Variants in UNC45A observed in about 807,000 individuals in gnomAD.
UNC45A encodes protein unc-45 homolog A.
Under a neutral mutation model 103.2 loss-of-function variants are expected in UNC45A, and 78 were observed. The observed-to-expected ratio is 0.76, with a 90% CI of 0.63 to 0.91. The LOEUF (loss-of-function observed/expected upper bound fraction) is 0.91, where lower values mean the gene tolerates loss of function less well. Among genes scored for constraint, UNC45A ranks in the 40% least tolerant of loss-of-function variants. The pLI is 0.00. For missense variants in UNC45A, 1,193 were observed against 1,224.8 expected, an observed-to-expected ratio of 0.97 and a Z score of 0.39; for synonymous variants, 495 against 504.6, an observed-to-expected ratio of 0.98 and a Z score of 0.25.
intron 7 of UNC45A, 45 bp from the exon 8 acceptor site, chr15:90,942,867 G>T: frequency 6.4e-7 from 1 of 1,563,050 alleles, no homozygotes; most frequent in Non-Finnish European, 8.7e-7. Flanking sequence ...GTCAAACTGG[G>T]CTGGGCTGCT....
upstream of UNC45A, chr15:90,931,901 AGGGTGGTGTC>A: frequency 1.2e-6 from 2 of 1,614,026 alleles, no homozygotes; most frequent in Non-Finnish European, 1.7e-6. Context: ...CACCTCATCC[AGGGTGGTGTC>A]TGTGTCCTCC....
chr15:90,953,389 G>A (rs1376931058), intron 19 of UNC45A, 70 bp from the exon 20 acceptor site: 6 of 1,598,388 alleles, frequency 3.8e-6, no homozygotes, highest in Middle Eastern at 2.2e-4. Flanking sequence ...GTCCTAGGGT[G>A]TGTGGGTGTG....
intron 14 of UNC45A, 63 bp downstream of exon 14, chr15:90,949,506 G>A (rs1389126237): frequency 1.2e-6 from 2 of 1,604,322 alleles, no homozygotes; most frequent in Non-Finnish European, 1.7e-6. Context: ...TGCAGATGTG[G>A]CTCCAGAGGG....
Position 90,944,757 on chromosome 15 carries a change from G to T in UNC45A, c.1028-135G>T, listed in dbSNP as rs1012831126. The stretch of plus-strand genomic sequence containing the variant: ...CAGATCAGCTAAGCAGATTCTCCGG[G>T]CTGCCCTGGACACAGTTGTCAGAAC... On this transcript the variant is annotated intron_variant, in intron 8 of 19. Transcript: ENST00000418476. 7.7e-6 allele frequency: 8 copies of T among 1,039,862 alleles called. No homozygotes were observed. In the African/African-American group the frequency reaches 9.6e-5, roughly 12 times the overall value. 64.4% of individuals were successfully genotyped at this position (1,039,862 alleles called of 1,614,324 possible).
At chr15:90,949,181 C>T in intron 13 of UNC45A, 135 bp from the exon 14 acceptor site, 2 of 1,310,154 alleles carry the variant, frequency 1.5e-6, no homozygotes, top group South Asian at 1.4e-5. Context: ...CAGCCAACAG[C>T]CTCCCTTTTA....
At chr15:90,930,695 G>C (rs904322251), upstream of UNC45A, 1 of 154,438 alleles carries the variant, frequency 6.5e-6, no homozygotes, top group African/African-American at 2.4e-5. Flanking sequence ...AACGGGAAAG[G>C]CTGCTACCAT....
intron 13 of UNC45A, 114 bp from the exon 14 acceptor site, chr15:90,949,202 T>C (rs2036751615): frequency 1.4e-6 from 2 of 1,443,426 alleles, no homozygotes; most frequent in Non-Finnish European, 1.9e-6. Flanking sequence ...AGCCAGTTTG[T>C]TTCCTTTTGT....
chr15:90,940,747 T>C (rs2036251592), intron 6 of UNC45A: 2 of 209,444 alleles, frequency 9.5e-6, no homozygotes, highest in South Asian at 1.0e-4. Flanking sequence ...ACCCTGTCTC[T>C]ACTAAAAATA....
intron 10 of UNC45A, 70 bp from the exon 11 acceptor site, chr15:90,947,726 G>C: frequency 8.5e-7 from 1 of 1,181,814 alleles, no homozygotes. Context: ...GGGAGTCCAA[G>C]CCAGGTGTGG....
At chr15:90,948,570 A>C in intron 12 of UNC45A, 84 bp from the exon 13 acceptor site, 1 of 1,557,894 alleles carries the variant, frequency 6.4e-7, no homozygotes, top group Non-Finnish European at 8.7e-7. Flanking sequence ...TGAGGGTGGA[A>C]TTGGGGGCCT....
Position 90,944,942 on chromosome 15 carries a change from G to C in UNC45A, c.1078G>C (p.Glu360Gln). The C allele has an allele frequency of 6.2e-7, 1 of 1,612,546 alleles. No homozygotes were observed. Among genetic ancestry groups the C allele is most frequent in the Non-Finnish European group, 8.5e-7 (1 of 1,180,034 alleles). Reference sequence around the variant, plus strand: ...GGGCTCTCTACAGGACCCTCCTGGGGAGCTCGCAGTGACCGCAAACAGCCG... The same window carrying C: ...GGGCTCTCTACAGGACCCTCCTGGGCAGCTCGCAGTGACCGCAAACAGCCG... ...VGGSLQDPPG[E>Q]LAVTANSRMS... Residue 360 changes from glutamate (E) to glutamine (Q), a missense_variant, in exon 9 of 20, where the codon GAG (glutamate) becomes CAG (glutamine). Glu to Gln is a conservative substitution (Grantham distance 29, BLOSUM62 2). Coordinates refer to ENST00000418476, the MANE Select transcript of UNC45A (RefSeq NM_018671.5).
rs775574287 is a variant in UNC45A at position 90,942,946 on chromosome 15, C to T, written c.891C>T (p.Asn297=). 67 of 1,613,404 alleles carry T rather than the reference C, an allele frequency of 4.2e-5. No individual in the cohort carries two copies. Among genetic ancestry groups the T allele is most frequent in the Middle Eastern group, 3.3e-4 (2 of 6,080 alleles). ...GGGAGCTGAAGGTCCTCATCAGTAA[C>T]CTCTTAGATCTGCTGACAGAGGTGG... ...PARELKVLIS[N]LLDLLTEVGV... is the part of the protein sequence containing the mutation. The change falls in exon 8 of 20, where the codon AAC becomes AAT. Residue 297 remains asparagine (N), a synonymous_variant. Coordinates refer to ENST00000418476, the MANE Select transcript of UNC45A (RefSeq NM_018671.5).
chr15:90,947,139 C>T (rs1421404788), intron 10 of UNC45A: 13 of 563,458 alleles, frequency 2.3e-5, no homozygotes, highest in Middle Eastern at 4.7e-4. Flanking sequence ...TGGTGAGTCA[C>T]GCATGTCACT....
Position 90,953,050 on chromosome 15 carries a change from A to T in UNC45A, c.2421+4A>T. 1 of 1,613,536 alleles carries T rather than the reference A, an allele frequency of 6.2e-7. No homozygotes were observed. Among genetic ancestry groups the T allele is most frequent in the Non-Finnish European group, 8.5e-7 (1 of 1,179,998 alleles). Reference sequence around the variant, plus strand: ...TAACTTGGCCATGAGCAAGGAGGTGAGGGTTGGTCTGGGTGCTCATGACAG... The same window carrying T: ...TAACTTGGCCATGAGCAAGGAGGTGTGGGTTGGTCTGGGTGCTCATGACAG... On this transcript the variant is annotated splice_donor_region_variant and intron_variant, in intron 18 of 19. Coordinates refer to ENST00000418476, the MANE Select transcript of UNC45A (RefSeq NM_018671.5).
At chr15:90,949,537 G>T in intron 14 of UNC45A, 94 bp downstream of exon 14, 4 of 1,598,540 alleles carry the variant, frequency 2.5e-6, no homozygotes, top group Non-Finnish European at 3.4e-6. Flanking sequence ...AGTGCTGTGG[G>T]CCTCTTAGAG....
At chr15:90,934,962 A>G, upstream of UNC45A, 1 of 463,174 alleles carries the variant, frequency 2.2e-6, no homozygotes, top group Non-Finnish European at 3.8e-6. Context: ...GCCCGCTCCT[A>G]GTGCTGGGCC....
chr15:90,943,835 C>T (rs919565392), intron 8 of UNC45A, among the ~76,000 whole-genome samples: 9 of 151,896 alleles, frequency 5.9e-5, no homozygotes, highest in East Asian at 2.0e-4. Context: ...ATTATAGGCA[C>T]GCATCAGTAT....
chr15:90,943,711 C>A (rs1015490919), intron 8 of UNC45A, among the ~76,000 whole-genome samples: 2 of 150,860 alleles, frequency 1.3e-5, no homozygotes, highest in African/African-American at 2.4e-5. Context: ...TTTTTTGAGA[C>A]AGAGTCTCAC....
Position 90,942,996 on chromosome 15 carries a change from A to G in UNC45A, c.941A>G (p.Asn314Ser), listed in dbSNP as rs1292754009. 3.7e-6 allele frequency: 6 copies of G among 1,614,094 alleles called. No homozygotes were observed. The highest frequency in any genetic ancestry group is 3.4e-6 in the Non-Finnish European group (4 of 1,180,044). The part of the protein sequence containing the change: ...EVGVSGQGRD[N>S]ALTLLIKAVP... ...GGGGTCTCTGGCCAAGGCCGAGACA[A>G]TGCCCTGACCCTCCTGATTAAAGCG... Residue 314 changes from asparagine to serine, a missense_variant, in exon 8 of 20, where the codon AAT becomes AGT. Physicochemically the swap from Asn to Ser is conservative, Grantham distance 46. Transcript: ENST00000418476.
Sources: gnomAD v4.1 joint callset for allele counts (sites outside exome capture counted in the v4.1 genomes callset) on GRCh38, gnomAD v4.1.1 for gene constraint, MANE v1.5 for transcripts, NCBI Gene and HGNC (gene_info 2026-07-23, HGNC 2026-07-21) for gene names.